PHLPP2: variants seen among roughly 807,000 people sequenced by gnomAD.
PHLPP2 encodes the protein PH domain leucine-rich repeat-containing protein phosphatase 2.
PHLPP2 carries 66 observed loss-of-function variants against 124.9 expected under a neutral mutation model. That is an observed-to-expected ratio of 0.53 (90% CI 0.43 to 0.65). The LOEUF is 0.65. Among genes scored for constraint, PHLPP2 ranks in the 30% least tolerant of loss-of-function variants. The pLI is 0.00. For missense variants in PHLPP2, 1,685 were observed against 1,600.4 expected, an observed-to-expected ratio of 1.05 and a Z score of -0.90; for synonymous variants, 681 against 624.7, an observed-to-expected ratio of 1.09 and a Z score of -1.34.
chr16:71,649,956 G>T lies in PHLPP2; in HGVS notation c.2906C>A (p.Ser969Tyr). 6.2e-7 allele frequency: 1 copy of T among 1,614,130 alleles called. No individual in the cohort carries two copies. The highest frequency in any genetic ancestry group is 1.1e-5 in the South Asian group (1 of 91,088). ...YPWILPKPHI[S>Y]STPLTIQDEL... is the part of the protein sequence containing the mutation. The stretch of plus-strand genomic sequence containing the variant: ...ATCTTGAATGGTCAGCGGAGTGGAA[G>T]ATATGTGGGGCTTGGGGAGGATCCA... The change falls in exon 19 of 19, where the codon TCT (serine) becomes TAT (tyrosine). Residue 969 changes from serine (S) to tyrosine (Y), a missense_variant. By Grantham distance (144) the Ser-to-Tyr change is moderately radical (BLOSUM62 -2). Transcript: ENST00000568954.
At chr16:71,660,096 G>GA (rs909941059) in intron 13 of PHLPP2, among the ~76,000 whole-genome samples, 89 of 150,610 alleles carry the variant, frequency 5.9e-4, no homozygotes, top group African/African-American at 2.1e-3. Context: ...AGACAAACAG[G>GA]AAAAAAAATC....
At chr16:71,669,482 C>A in intron 10 of PHLPP2, 112 bp from the exon 11 acceptor site, 1 of 730,490 alleles carries the variant, frequency 1.4e-6, no homozygotes. Context: ...GGCAGGAACA[C>A]TGTCTCCAAG....
At chr16:71,678,168 A>G (rs2044964769) in intron 8 of PHLPP2, 1 of 152,222 alleles carries the variant, frequency 6.6e-6, no homozygotes, top group Non-Finnish European at 1.5e-5. Context: ...ATCTCTATAA[A>G]AAATTTTTAA....
At chr16:71,702,767 TA>T in intron 2 of PHLPP2, 36 bp from the exon 3 acceptor site, 1 of 1,453,256 alleles carries the variant, frequency 6.9e-7, no homozygotes, top group Non-Finnish European at 9.4e-7. Flanking sequence ...ATATATTTGG[TA>T]AGTAATAAAA....
At chr16:71,659,614 T>C (rs1275568431) in intron 13 of PHLPP2, among the ~76,000 whole-genome samples, 2 of 152,196 alleles carry the variant, frequency 1.3e-5, no homozygotes, top group African/African-American at 4.8e-5. Flanking sequence ...TTAACTCATC[T>C]CCACTAAACA....
intron 12 of PHLPP2, 88 bp from the exon 13 acceptor site, chr16:71,664,187 T>C (rs1347795893): frequency 2.2e-6 from 2 of 895,052 alleles, no homozygotes; most frequent in African/African-American, 1.7e-5. Context: ...CAGTATGGAA[T>C]GCTGCCATTC....
In PHLPP2 at chr16:71,699,642, G is replaced by A. The variant is rs186905208; in HGVS notation, c.418+2956C>T. Among the ~76,000 whole-genome samples, 130 of 152,296 alleles carry A rather than the reference G, an allele frequency of 8.5e-4. 1 individual carries two copies. Among genetic ancestry groups the A allele is most frequent in the Admixed American group, 3.6e-3 (55 of 15,298 alleles). ...AAGAATTTGGGACGCACCAAGTGCC[G>A]GTATTCAAAAAGGCTGTCACACTGG... On this transcript the variant is annotated intron_variant, in intron 3 of 18. Coordinates refer to ENST00000568954, the MANE Select transcript of PHLPP2 (RefSeq NM_015020.3).
intron 3 of PHLPP2, among the ~76,000 whole-genome samples, chr16:71,691,217 G>C (rs368014105): frequency 9.2e-5 from 14 of 152,248 alleles, no homozygotes; most frequent in African/African-American, 2.9e-4. Flanking sequence ...ACTTTGGGGG[G>C]GCCAAGGCGG....
At chr16:71,655,628 G>A (rs777112309) in intron 16 of PHLPP2, among the ~76,000 whole-genome samples, 194 bp from the exon 17 acceptor site, 18 of 151,110 alleles carry the variant, frequency 1.2e-4, no homozygotes, top group Non-Finnish European at 2.7e-4. Flanking sequence ...TCAGCCTCCC[G>A]AGAAGCTGGG....
At chr16:71,722,190 G>C (rs974777150) in intron 1 of PHLPP2, among the ~76,000 whole-genome samples, 1 of 152,064 alleles carries the variant, frequency 6.6e-6, no homozygotes, top group South Asian at 2.1e-4. Context: ...CCAACACTTC[G>C]GGAGGCCAAG....
At chr16:71,716,798 C>G (rs2045365949) in intron 1 of PHLPP2, among the ~76,000 whole-genome samples, 1 of 152,232 alleles carries the variant, frequency 6.6e-6, no homozygotes, top group Non-Finnish European at 1.5e-5. Context: ...TATCTCCTAT[C>G]CTTATTCTCC....
intron 18 of PHLPP2, 133 bp downstream of exon 18, chr16:71,652,657 G>T: frequency 1.6e-6 from 1 of 644,378 alleles, no homozygotes. Flanking sequence ...GAAACCATCT[G>T]CATTGAACTT....
chr16:71,697,208 AAATAAAT>A (rs1180642337), intron 3 of PHLPP2, among the ~76,000 whole-genome samples: 871 of 43,578 alleles, frequency 0.02, 9 homozygotes, highest in South Asian at 0.16. Context: ...ATAAATAAAT[AAATAAAT>A]AAAAAGAAAC....
intron 3 of PHLPP2, among the ~76,000 whole-genome samples, chr16:71,690,999 G>A (rs1391650901): frequency 6.6e-6 from 1 of 152,204 alleles, no homozygotes; most frequent in Non-Finnish European, 1.5e-5. Context: ...CAGTATGGTA[G>A]AGTGGTTAAG....
intron 3 of PHLPP2, among the ~76,000 whole-genome samples, chr16:71,696,058 C>A (rs573105229): frequency 6.6e-6 from 1 of 151,540 alleles, no homozygotes; most frequent in East Asian, 1.9e-4. Flanking sequence ...AATATATGAA[C>A]AATAAATAAA....
At chr16:71,699,243 A>C (rs551399011) in intron 3 of PHLPP2, among the ~76,000 whole-genome samples, 42 of 152,248 alleles carry the variant, frequency 2.8e-4, no homozygotes, top group African/African-American at 8.9e-4. Context: ...AAAAAGCCTG[A>C]AACCTGTGGC....
intron 4 of PHLPP2, among the ~76,000 whole-genome samples, chr16:71,686,783 TC>T (rs1251601217): frequency 2.6e-5 from 4 of 152,078 alleles, no homozygotes; most frequent in Admixed American, 6.6e-5. Context: ...TTTTTTTTTT[TC>T]GCTTAGCAGT....
At chr16:71,709,294 C>T (rs994165238) in intron 2 of PHLPP2, among the ~76,000 whole-genome samples, 1 of 152,026 alleles carries the variant, frequency 6.6e-6, no homozygotes, top group African/African-American at 2.4e-5. Flanking sequence ...AGTGACTCAG[C>T]AAATGGGAAT....
chr16:71,709,157 T>C (rs1008067805), intron 2 of PHLPP2, among the ~76,000 whole-genome samples: 2 of 152,146 alleles, frequency 1.3e-5, no homozygotes, highest in African/African-American at 4.8e-5. Context: ...AATTTTTAAA[T>C]AGCACAAAAA....
Sources: allele counts gnomAD v4.1 joint callset (sites outside exome capture counted in the v4.1 genomes callset), GRCh38; gene constraint gnomAD v4.1.1; transcripts MANE v1.5; gene names NCBI Gene and HGNC (gene_info 2026-07-23, HGNC 2026-07-21).